Variants in EPHA7 observed in about 807,000 individuals in gnomAD.
The protein encoded by EPHA7 is ephrin type-A receptor 7.
In EPHA7, 25 loss-of-function variants were observed where a neutral mutation model predicts 112.6. The observed-to-expected ratio is 0.22, with a 90% CI of 0.16 to 0.31. EPHA7 has a LOEUF of 0.31. EPHA7 is among the 10% of genes least tolerant of loss of function. The pLI, the probability that EPHA7 is intolerant of heterozygous loss-of-function variation, is 1.00. For synonymous variants in EPHA7, 437 were observed against 406.5 expected (o/e 1.07, Z -0.90); for missense variants, 962 against 1,212.6 (o/e 0.79, Z 3.07).
chr6:93,414,552 A>G (rs1401147872), intron 2 of EPHA7, 151 bp downstream of exon 2: 3 of 656,516 alleles, frequency 4.6e-6, no homozygotes, highest in African/African-American at 3.7e-5. Context: ...AGGGAACTCA[A>G]TGTCTCATTA....
intron 5 of EPHA7, among the ~76,000 whole-genome samples, chr6:93,277,293 T>G (rs934261004): frequency 6.6e-6 from 1 of 151,980 alleles, no homozygotes; most frequent in Non-Finnish European, 1.5e-5. Flanking sequence ...ACATACAAAT[T>G]TGCTTAAATA....
intron 3 of EPHA7, among the ~76,000 whole-genome samples, chr6:93,372,896 T>A (rs1342739515): frequency 6.6e-6 from 1 of 152,082 alleles, no homozygotes; most frequent in Non-Finnish European, 1.5e-5. Context: ...ATTTCATTAA[T>A]TTTTTAGTAA....
intron 2 of EPHA7, 111 bp from the exon 3 acceptor site, chr6:93,411,281 T>C: frequency 1.2e-6 from 1 of 816,924 alleles, no homozygotes; most frequent in Non-Finnish European, 1.9e-6. Context: ...GGTTGATTCC[T>C]ATGCTGGCAA....
chr6:93,347,098 C>A (rs1212159266), intron 5 of EPHA7, among the ~76,000 whole-genome samples: 1 of 151,732 alleles, frequency 6.6e-6, no homozygotes, highest in Non-Finnish European at 1.5e-5. Flanking sequence ...TAGCAAATTA[C>A]AAATTTGTAT....
Position 93,419,436 on chromosome 6 carries a change from T to C in EPHA7, c.-95A>G, listed in dbSNP as rs890465459. 12 of 982,444 alleles carry C rather than the reference T, an allele frequency of 1.2e-5. No homozygotes were observed. Among genetic ancestry groups the C allele is most frequent in the South Asian group, 6.3e-5 (4 of 63,512 alleles). The allele number at this position is 982,444 out of a possible 1,614,324, so 60.9% of individuals were successfully genotyped here. A position where few individuals can be genotyped will look rare whatever the true frequency, so the allele number is the denominator to read the frequency against. On this transcript the variant is annotated 5_prime_UTR_variant, in exon 1 of 17. Transcript: ENST00000369303. Reference sequence around the variant, plus strand: ...CGAAGTAGCTTTTGTTTTATTGTGCTCCTTGCATCGATTCCCCTTCTCGGT... The same window carrying C: ...CGAAGTAGCTTTTGTTTTATTGTGCCCCTTGCATCGATTCCCCTTCTCGGT...
chr6:93,343,842 A>G (rs949763509), intron 5 of EPHA7, among the ~76,000 whole-genome samples: 1 of 151,724 alleles, frequency 6.6e-6, no homozygotes, highest in African/African-American at 2.4e-5. Context: ...CCAGTGTTTA[A>G]TGCAGCAAGT....
At chr6:93,359,407 ATATT>A (rs1180009450) in intron 3 of EPHA7, among the ~76,000 whole-genome samples, 1 of 151,100 alleles carries the variant, frequency 6.6e-6, no homozygotes, top group Admixed American at 6.6e-5. Context: ...TCTATTCTTC[ATATT>A]TATTAAATAA....
intron 5 of EPHA7, among the ~76,000 whole-genome samples, chr6:93,311,893 T>C (rs1773561574): frequency 6.6e-6 from 1 of 152,178 alleles, no homozygotes; most frequent in Non-Finnish European, 1.5e-5. Flanking sequence ...ATTAATCTCC[T>C]GTATCTCCAT....
At chr6:93,253,119 C>A (rs1420195286) in intron 14 of EPHA7, among the ~76,000 whole-genome samples, 1 of 151,938 alleles carries the variant, frequency 6.6e-6, no homozygotes. Context: ...AAATGAAACT[C>A]CATGGAGTGT....
chr6:93,319,969 G>T (rs1773986376), intron 5 of EPHA7, among the ~76,000 whole-genome samples: 1 of 151,836 alleles, frequency 6.6e-6, no homozygotes, highest in East Asian at 1.9e-4. Context: ...AATATTCTAT[G>T]CTGAGGCTCC....
At chr6:93,303,421 A>C (rs1773093764) in intron 5 of EPHA7, among the ~76,000 whole-genome samples, 1 of 152,254 alleles carries the variant, frequency 6.6e-6, no homozygotes, top group South Asian at 2.1e-4. Context: ...AAGGGGGTAG[A>C]TAGAAAATAA....
intron 3 of EPHA7, among the ~76,000 whole-genome samples, chr6:93,367,824 C>T (rs1475559315): frequency 6.6e-6 from 1 of 152,094 alleles, no homozygotes; most frequent in Non-Finnish European, 1.5e-5. Context: ...AGACTAAGCA[C>T]TCAATAATTA....
chr6:93,285,044 C>T (rs934516012), intron 5 of EPHA7, among the ~76,000 whole-genome samples: 1 of 152,088 alleles, frequency 6.6e-6, no homozygotes, highest in Non-Finnish European at 1.5e-5. Flanking sequence ...GCTCCAGGTA[C>T]TCTGAATACA....
At chr6:93,280,389 C>T (rs986757801) in intron 5 of EPHA7, among the ~76,000 whole-genome samples, 2 of 152,180 alleles carry the variant, frequency 1.3e-5, no homozygotes, top group African/African-American at 4.8e-5. Flanking sequence ...AACTCAGTTT[C>T]AAGATTGGGC....
intron 5 of EPHA7, among the ~76,000 whole-genome samples, chr6:93,316,362 A>G (rs1344666005): frequency 2.6e-5 from 4 of 152,154 alleles, no homozygotes; most frequent in African/African-American, 9.6e-5. Flanking sequence ...GAATATGTCA[A>G]TTAGCTTATA....
At chr6:93,269,069 T>G (rs1392035722) in intron 7 of EPHA7, among the ~76,000 whole-genome samples, 4 of 151,720 alleles carry the variant, frequency 2.6e-5, no homozygotes, top group Non-Finnish European at 5.9e-5. Context: ...ATACCATCTT[T>G]CTCTTGTCCA....
intron 3 of EPHA7, among the ~76,000 whole-genome samples, chr6:93,371,924 G>C (rs758468618): frequency 6.6e-6 from 1 of 152,114 alleles, no homozygotes; most frequent in Non-Finnish European, 1.5e-5. Context: ...GAACATACAG[G>C]ATAAAAGCAG....
In EPHA7 at chr6:93,329,459, T is replaced by C. The variant is rs1774481219; in HGVS notation, c.1324+27258A>G. 2.0e-5 allele frequency among the ~76,000 whole-genome samples: 3 copies of C among 151,420 alleles called. No individual in the cohort carries two copies. In the South Asian group the frequency reaches 6.2e-4, roughly 31 times the overall value. Reference sequence around the variant, plus strand: ...AGACATGCTAACTAGCAACAGCATATGGGCCAAGAACTGTTCCAAGAATTT... The same window carrying C: ...AGACATGCTAACTAGCAACAGCATACGGGCCAAGAACTGTTCCAAGAATTT... On this transcript the variant is annotated intron_variant, in intron 5 of 16. Coordinates refer to ENST00000369303, the MANE Select transcript of EPHA7 (RefSeq NM_004440.4).
At chr6:93,283,404 T>G (rs1490478214) in intron 5 of EPHA7, among the ~76,000 whole-genome samples, 3 of 151,980 alleles carry the variant, frequency 2.0e-5, no homozygotes, top group Non-Finnish European at 4.4e-5. Context: ...GCAGTGGCAA[T>G]CCTCTCAGGT....
Sources: allele counts gnomAD v4.1 joint callset (sites outside exome capture counted in the v4.1 genomes callset), GRCh38; gene constraint gnomAD v4.1.1; transcripts MANE v1.5; gene names NCBI Gene and HGNC (gene_info 2026-07-23, HGNC 2026-07-21).